ASTN2: variants seen among roughly 807,000 people sequenced by gnomAD.
ASTN2 encodes astrotactin-2.
A neutral mutation model predicts 139.8 loss-of-function variants in ASTN2; 54 were observed. That is an observed-to-expected ratio of 0.39 (90% confidence interval 0.31 to 0.48). ASTN2 has a LOEUF of 0.48. Among genes scored for constraint, ASTN2 ranks in the 20% least tolerant of loss-of-function variants. The pLI is 0.95. For missense variants in ASTN2, 1,565 were observed against 1,725.1 expected (o/e 0.91, Z 1.64); for synonymous variants, 756 against 719.5 (o/e 1.05, Z -0.81).
intron 19 of ASTN2, among the ~76,000 whole-genome samples, chr9:116,521,809 A>AAAACAAAC (rs3040262): frequency 0.014 from 2,123 of 150,862 alleles, 39 homozygotes; most frequent in African/African-American, 0.046. Flanking sequence ...ATCAGCAAGA[A>AAAACAAAC]AAACAAACAA....
intron 13 of ASTN2, among the ~76,000 whole-genome samples, chr9:116,746,692 G>T (rs897195035): frequency 2.0e-5 from 3 of 151,926 alleles, no homozygotes; most frequent in Non-Finnish European, 1.5e-5. Flanking sequence ...GGAGGACTTT[G>T]TCAATGCCCC....
At chr9:117,095,743 T>G (rs1353326968) in intron 5 of ASTN2, among the ~76,000 whole-genome samples, 3 of 152,220 alleles carry the variant, frequency 2.0e-5, no homozygotes, top group African/African-American at 7.2e-5. Flanking sequence ...CTTATTTTCA[T>G]ATTAATATGA....
At chr9:116,985,195 C>A (rs1169340669) in intron 7 of ASTN2, among the ~76,000 whole-genome samples, 1 of 152,182 alleles carries the variant, frequency 6.6e-6, no homozygotes, top group African/African-American at 2.4e-5. Flanking sequence ...CTTCCTTATA[C>A]TGCTGGTGTG....
At chr9:117,215,695 G>A (rs1393528292) in intron 2 of ASTN2, among the ~76,000 whole-genome samples, 1 of 152,086 alleles carries the variant, frequency 6.6e-6, no homozygotes, top group Non-Finnish European at 1.5e-5. Context: ...GCTTGAAGTT[G>A]AGGGTTTGCA....
chr9:117,322,302 G>A (rs1323427200), intron 1 of ASTN2, among the ~76,000 whole-genome samples: 3 of 152,106 alleles, frequency 2.0e-5, no homozygotes, highest in African/African-American at 7.2e-5. Context: ...TCAAATTCTA[G>A]TTCTTAACAC....
At chr9:117,274,206 C>G (rs1198690010) in intron 2 of ASTN2, among the ~76,000 whole-genome samples, 1 of 152,076 alleles carries the variant, frequency 6.6e-6, no homozygotes, top group Non-Finnish European at 1.5e-5. Flanking sequence ...AAAAAATAGC[C>G]GGACGTGGTG....
chr9:117,347,232 A>G (rs1439502126), intron 1 of ASTN2, among the ~76,000 whole-genome samples: 1 of 152,108 alleles, frequency 6.6e-6, no homozygotes, highest in Non-Finnish European at 1.5e-5. Context: ...ACAATGACTA[A>G]TGGACTTTGT....
chr9:117,283,716 G>C (rs1446966313), intron 2 of ASTN2, among the ~76,000 whole-genome samples: 1 of 152,140 alleles, frequency 6.6e-6, no homozygotes, highest in Non-Finnish European at 1.5e-5. Flanking sequence ...CTCAGGATCT[G>C]TTTTCCCTAC....
At chr9:116,478,991 CAAAAAAAAA>C (rs34860380) in intron 20 of ASTN2, among the ~76,000 whole-genome samples, 14 of 61,020 alleles carry the variant, frequency 2.3e-4, no homozygotes, top group Non-Finnish European at 3.7e-4. Flanking sequence ...GACTGTGCCT[CAAAAAAAAA>C]AAAAAAAAAA....
chr9:117,381,092 T>C (rs1304424353), intron 1 of ASTN2, among the ~76,000 whole-genome samples: 1 of 152,188 alleles, frequency 6.6e-6, no homozygotes, highest in East Asian at 1.9e-4. Context: ...GATGTTTCAA[T>C]ATGGATGAAC....
intron 20 of ASTN2, among the ~76,000 whole-genome samples, chr9:116,480,518 G>C (rs1849132917): frequency 6.6e-6 from 1 of 152,186 alleles, no homozygotes; most frequent in South Asian, 2.1e-4. Context: ...AACAAGGCAG[G>C]CACAGACCTT....
At chr9:116,475,042 C>T (rs1473215161) in intron 20 of ASTN2, among the ~76,000 whole-genome samples, 2 of 152,174 alleles carry the variant, frequency 1.3e-5, no homozygotes, top group Non-Finnish European at 2.9e-5. Flanking sequence ...TCTCAGCTTC[C>T]TCATCTATAC....
chr9:117,384,709 A>G lies in ASTN2; in HGVS notation c.442+29788T>C, dbSNP rs1830353567. On this transcript the variant is annotated intron_variant, in intron 1 of 22. Transcript: ENST00000313400. Reference sequence around the variant, plus strand: ...GAGCTCTCTGATCTCATCTGCTAAGACTCAGAACATTTATCTCGTTGATTT... The same window carrying G: ...GAGCTCTCTGATCTCATCTGCTAAGGCTCAGAACATTTATCTCGTTGATTT... Among the ~76,000 whole-genome samples the G allele has an allele frequency of 2.0e-5, 3 of 152,092 alleles. No homozygotes were observed. In the South Asian group the frequency reaches 6.2e-4, roughly 32 times the overall value.
In ASTN2 at chr9:116,620,303, T is replaced by C. The variant is rs539774942; in HGVS notation, c.3206+7A>G. 1.2e-6 allele frequency: 2 copies of C among 1,614,010 alleles called. No individual in the cohort carries two copies. Among genetic ancestry groups the C allele is most frequent in the South Asian group, 2.2e-5 (2 of 91,062 alleles). On this transcript the variant is annotated splice_region_variant and intron_variant, in intron 18 of 22. Coordinates refer to ENST00000313400, the MANE Select transcript of ASTN2 (RefSeq NM_001365068.1). ...TGGCCAAAGGAAAAGGGGCCATACA[T>C]ACGTACACCGGCTGCAGAAGGGGGC... is the stretch of plus-strand genomic sequence containing the variant.
intron 4 of ASTN2, among the ~76,000 whole-genome samples, chr9:117,139,664 G>A (rs1322359311): frequency 6.6e-6 from 1 of 152,134 alleles, no homozygotes; most frequent in Admixed American, 6.5e-5. Context: ...TTTAGGCCAG[G>A]AATGTAAAAT....
chr9:116,673,898 T>C (rs1220509082), intron 16 of ASTN2, among the ~76,000 whole-genome samples: 2 of 152,202 alleles, frequency 1.3e-5, no homozygotes, highest in Admixed American at 6.5e-5. Context: ...ATGACTGAGA[T>C]AGTGAAAGAG....
intron 3 of ASTN2, among the ~76,000 whole-genome samples, chr9:117,191,494 A>T (rs1483825319): frequency 1.3e-5 from 2 of 152,262 alleles, no homozygotes; most frequent in African/African-American, 4.8e-5. Flanking sequence ...GAGCATGCAT[A>T]ACTTTTATAA....
chr9:117,030,833 T>A (rs895475851), intron 6 of ASTN2, among the ~76,000 whole-genome samples: 10 of 152,072 alleles, frequency 6.6e-5, no homozygotes, highest in Non-Finnish European at 1.2e-4. Flanking sequence ...GGCCATTAAG[T>A]ACAAGAAAAA....
intron 7 of ASTN2, among the ~76,000 whole-genome samples, chr9:116,984,739 C>T (rs1483478822): frequency 6.6e-6 from 1 of 152,212 alleles, no homozygotes; most frequent in Non-Finnish European, 1.5e-5. Context: ...TCAGGGGATA[C>T]ATTTTACAGC....
Sources: gnomAD v4.1 joint callset for allele counts (sites outside exome capture counted in the v4.1 genomes callset) on GRCh38, gnomAD v4.1.1 for gene constraint, MANE v1.5 for transcripts, NCBI Gene and HGNC (gene_info 2026-07-23, HGNC 2026-07-21) for gene names.